KCNMA1: variants seen among roughly 807,000 people sequenced by gnomAD.
KCNMA1 encodes Calcium-activated potassium channel subunit alpha-1.
KCNMA1 carries 29 observed loss-of-function variants against 140.0 expected under a neutral mutation model. That is an observed-to-expected ratio of 0.21 (90% confidence interval 0.15 to 0.28). KCNMA1 has a LOEUF of 0.28. Among genes scored for constraint, KCNMA1 ranks in the 10% least tolerant of loss-of-function variants. KCNMA1 has a pLI of 1.00. For missense variants in KCNMA1, 880 were observed against 1,602.2 expected (o/e 0.55, Z 7.70); for synonymous variants, 612 against 611.9 (o/e 1.00, Z 0.00).
intron 3 of KCNMA1, among the ~76,000 whole-genome samples, chr10:77,233,545 A>AC (rs1245086819): frequency 3.3e-5 from 5 of 152,230 alleles, no homozygotes; most frequent in South Asian, 4.1e-4. Context: ...ATCAAACAGC[A>AC]AACTGTTTAT....
At chr10:76,905,155 T>C (rs981142255) in intron 25 of KCNMA1, 8 of 152,252 alleles carry the variant, frequency 5.3e-5, no homozygotes, top group African/African-American at 1.7e-4. Flanking sequence ...GTGGGGTAGA[T>C]GTAGACTGCA....
At chr10:76,956,904 T>C (rs977149320) in intron 20 of KCNMA1, among the ~76,000 whole-genome samples, 2 of 151,818 alleles carry the variant, frequency 1.3e-5, no homozygotes, top group Non-Finnish European at 2.9e-5. Context: ...GGGCGGATCA[T>C]GAGGTCAGGA....
intron 1 of KCNMA1, among the ~76,000 whole-genome samples, chr10:77,508,854 G>A (rs1034605684): frequency 6.6e-6 from 1 of 151,892 alleles, no homozygotes; most frequent in African/African-American, 2.4e-5. Context: ...TTGTCTCTGT[G>A]AATTTGCCTA....
At position 77,111,659 on chromosome 10, in the gene KCNMA1, G is replaced by A. The variant is rs369728517; in HGVS notation, c.960+708C>T. Among the ~76,000 whole-genome samples, 24 of 152,246 alleles carry A rather than the reference G, an allele frequency of 1.6e-4. No individual in the cohort carries two copies. In the East Asian group the frequency reaches 3.7e-3, roughly 23 times the overall value. ...GATAATTACCTAAATCCCAAGTGTG[G>A]GTAGCTAAGCGCGTCCTTCTATCCC... On this transcript the variant is annotated intron_variant, in intron 7 of 27. Coordinates refer to ENST00000286628, the MANE Select transcript of KCNMA1 (RefSeq NM_001161352.2).
chr10:76,943,599 A>G (rs2063157414), intron 23 of KCNMA1, among the ~76,000 whole-genome samples: 1 of 152,126 alleles, frequency 6.6e-6, no homozygotes, highest in African/African-American at 2.4e-5. Context: ...CAAAGAATCA[A>G]AGCCTATCTT....
At chr10:77,568,132 C>T (rs1048292637) in intron 1 of KCNMA1, among the ~76,000 whole-genome samples, 1 of 152,220 alleles carries the variant, frequency 6.6e-6, no homozygotes. Flanking sequence ...CAGATGCATT[C>T]ACAGCCGAAT....
chr10:77,369,964 C>A (rs186536343), intron 2 of KCNMA1, among the ~76,000 whole-genome samples: 23 of 152,278 alleles, frequency 1.5e-4, no homozygotes, highest in Admixed American at 4.6e-4. Flanking sequence ...TAAATGCAAT[C>A]GAAGGTTTTC....
downstream of KCNMA1, among the ~76,000 whole-genome samples, chr10:76,880,585 C>G (rs879907172): frequency 9.2e-5 from 14 of 152,220 alleles, no homozygotes; most frequent in South Asian, 2.1e-4. Context: ...ATTCTCCCAA[C>G]ATGCTTCCAA....
chr10:77,286,215 A>G (rs2070766517), intron 2 of KCNMA1, among the ~76,000 whole-genome samples: 1 of 152,188 alleles, frequency 6.6e-6, no homozygotes, highest in Admixed American at 6.5e-5. Flanking sequence ...TGCTATAACT[A>G]GAAGGTAATT....
At chr10:77,040,245 A>G (rs549889544) in intron 14 of KCNMA1, among the ~76,000 whole-genome samples, 2 of 152,184 alleles carry the variant, frequency 1.3e-5, no homozygotes, top group East Asian at 3.9e-4. Flanking sequence ...GGGCAAGGAA[A>G]TTGATACAAC....
At chr10:76,882,776 A>G (rs2035192902), downstream of KCNMA1, among the ~76,000 whole-genome samples, 1 of 152,052 alleles carries the variant, frequency 6.6e-6, no homozygotes, top group South Asian at 2.1e-4. Context: ...CTCACCTCCA[A>G]TGGTTGCAAT....
At chr10:76,989,849 CATT>C (rs758470760) in intron 19 of KCNMA1, among the ~76,000 whole-genome samples, 15 of 149,682 alleles carry the variant, frequency 1.0e-4, no homozygotes, top group Non-Finnish European at 2.2e-4. Context: ...AGTGGCTTAT[CATT>C]ATTATTTCCA....
At chr10:77,274,782 A>G (rs1314425453) in intron 2 of KCNMA1, among the ~76,000 whole-genome samples, 1 of 152,218 alleles carries the variant, frequency 6.6e-6, no homozygotes, top group Non-Finnish European at 1.5e-5. Flanking sequence ...ATCGATTGTC[A>G]GAGGAAATGG....
intron 1 of KCNMA1, among the ~76,000 whole-genome samples, chr10:77,530,353 C>T (rs748047635): frequency 6.6e-6 from 1 of 152,228 alleles, no homozygotes; most frequent in African/African-American, 2.4e-5. Flanking sequence ...AAGTCCAGGT[C>T]TCTCTGGGGC....
At chr10:77,265,315 G>A (rs2154271514) in intron 2 of KCNMA1, among the ~76,000 whole-genome samples, 1 of 152,302 alleles carries the variant, frequency 6.6e-6, no homozygotes, top group Admixed American at 6.5e-5. Flanking sequence ...GTCTCCCAAA[G>A]TGCTGGGATT....
intron 1 of KCNMA1, among the ~76,000 whole-genome samples, chr10:77,535,290 A>T (rs939699430): frequency 1.3e-5 from 2 of 152,166 alleles, no homozygotes; most frequent in African/African-American, 2.4e-5. Context: ...GACTCATCAG[A>T]TTTGGTCCAA....
chr10:77,633,335 G>GGA (rs373296990), intron 1 of KCNMA1, among the ~76,000 whole-genome samples: 1,857 of 151,470 alleles, frequency 0.012, 44 homozygotes, highest in African/African-American at 0.042. Flanking sequence ...ATTAATAAAA[G>GGA]GAGAGAGAGA....
chr10:77,473,179 C>T (rs1210161084), intron 1 of KCNMA1, among the ~76,000 whole-genome samples: 1 of 152,186 alleles, frequency 6.6e-6, no homozygotes, highest in Admixed American at 6.5e-5. Context: ...TAGATGAAGT[C>T]TGTTTTCACC....
At chr10:77,325,096 G>C (rs2083675032) in intron 2 of KCNMA1, among the ~76,000 whole-genome samples, 1 of 151,920 alleles carries the variant, frequency 6.6e-6, no homozygotes, top group African/African-American at 2.4e-5. Flanking sequence ...AAACTGTCAA[G>C]ACTGCAGCCT....
Sources: gnomAD v4.1 joint callset for allele counts (sites outside exome capture counted in the v4.1 genomes callset) on GRCh38, gnomAD v4.1.1 for gene constraint, MANE v1.5 for transcripts, NCBI Gene and HGNC (gene_info 2026-07-23, HGNC 2026-07-21) for gene names.